IGF2BP2: variants seen among roughly 807,000 people sequenced by gnomAD.
IGF2BP2 encodes the protein insulin-like growth factor 2 mRNA-binding protein 2.
In IGF2BP2, 17 loss-of-function variants were observed where a neutral mutation model predicts 75.8. The observed-to-expected ratio is 0.22, with a 90% confidence interval of 0.15 to 0.34. The LOEUF is 0.34. Among genes scored for constraint, IGF2BP2 ranks in the 10% least tolerant of loss-of-function variants. The pLI, the probability that IGF2BP2 is intolerant of heterozygous loss-of-function variation, is 1.00. For missense variants in IGF2BP2, 516 were observed against 772.4 expected, an observed-to-expected ratio of 0.67 and a Z score of 3.93; for synonymous variants, 288 against 295.6, an observed-to-expected ratio of 0.97 and a Z score of 0.26.
At chr3:185,660,077 G>A (rs773772431) in intron 10 of IGF2BP2, among the ~76,000 whole-genome samples, 7 of 152,314 alleles carry the variant, frequency 4.6e-5, no homozygotes, top group Admixed American at 6.5e-5. Flanking sequence ...GGTTACAGGC[G>A]TGAACCACCG....
Position 185,660,644 on chromosome 3 carries a change from CA to C in IGF2BP2, c.1201-2236del, listed in dbSNP as rs1480578084. 3.9e-5 allele frequency among the ~76,000 whole-genome samples: 6 copies of C among 152,172 alleles called. No individual in the cohort carries two copies. In the East Asian group the frequency reaches 1.2e-3, roughly 29 times the overall value. On this transcript the variant is annotated intron_variant, in intron 10 of 15. Coordinates refer to ENST00000382199, the MANE Select transcript of IGF2BP2 (RefSeq NM_006548.6). ...CGCTATGAGATCAGCAGTCTCTTGG[CA>C]AGCTCAAGTTTTGCAGGAAGGTGGG...
intron 10 of IGF2BP2, among the ~76,000 whole-genome samples, chr3:185,659,796 T>C (rs1427765433): frequency 6.6e-6 from 1 of 151,994 alleles, no homozygotes; most frequent in Non-Finnish European, 1.5e-5. Flanking sequence ...ATGTCTGATT[T>C]GATACTTTTT....
chr3:185,802,833 G>T (rs548400882), intron 2 of IGF2BP2, among the ~76,000 whole-genome samples: 1 of 152,308 alleles, frequency 6.6e-6, no homozygotes, highest in Admixed American at 6.5e-5. Context: ...ACACTTTCCT[G>T]TTGTTAGAAA....
At chr3:185,747,867 T>C (rs959865722) in intron 2 of IGF2BP2, among the ~76,000 whole-genome samples, 1 of 124,360 alleles carries the variant, frequency 8.0e-6, no homozygotes, top group African/African-American at 3.3e-5. Context: ...TTATTTTATT[T>C]TATTTTGAGA....
intron 2 of IGF2BP2, among the ~76,000 whole-genome samples, chr3:185,757,730 G>A (rs1219048134): frequency 6.6e-6 from 1 of 152,104 alleles, no homozygotes; most frequent in Admixed American, 6.5e-5. Context: ...TCGAAGTGCC[G>A]AGATTACAGA....
rs1201144415 is a variant in IGF2BP2 at position 185,726,965 on chromosome 3, T to C, written c.240-28618A>G. Among the ~76,000 whole-genome samples the C allele has an allele frequency of 3.3e-5, 5 of 152,212 alleles. No individual in the cohort carries two copies. The East Asian group carries it at 9.7e-4, about 29-fold the overall frequency. On this transcript the variant is annotated intron_variant, in intron 2 of 15. Coordinates refer to ENST00000382199, the MANE Select transcript of IGF2BP2 (RefSeq NM_006548.6). ...CGAGCACGGTGGCTCACGCCTGTAA[T>C]CCCAGCACTTTGGGAGGCCAAGGCG...
At chr3:185,710,863 A>G (rs768555509) in intron 2 of IGF2BP2, among the ~76,000 whole-genome samples, 8 of 152,164 alleles carry the variant, frequency 5.3e-5, no homozygotes, top group Non-Finnish European at 1.2e-4. Context: ...GGTAGCCAGA[A>G]AAATAGCTTC....
intron 2 of IGF2BP2, among the ~76,000 whole-genome samples, chr3:185,810,181 A>T (rs1739609348): frequency 6.6e-6 from 1 of 152,162 alleles, no homozygotes; most frequent in Non-Finnish European, 1.5e-5. Context: ...ACATTTTTTT[A>T]AATGCTAATG....
At chr3:185,787,079 A>T (rs1035435951) in intron 2 of IGF2BP2, among the ~76,000 whole-genome samples, 5 of 152,172 alleles carry the variant, frequency 3.3e-5, no homozygotes, top group African/African-American at 1.2e-4. Context: ...TTGAAATCTT[A>T]ACATTTATAA....
chr3:185,698,284 T>C lies in IGF2BP2; in HGVS notation c.288+15A>G, dbSNP rs1261740946. 3 of 1,611,292 alleles carry C rather than the reference T, an allele frequency of 1.9e-6. No individual in the cohort carries two copies. Among genetic ancestry groups the C allele is most frequent in the Non-Finnish European group, 2.5e-6 (3 of 1,177,552 alleles). On this transcript the variant is annotated intron_variant, in intron 3 of 15. Coordinates refer to ENST00000382199, the MANE Select transcript of IGF2BP2 (RefSeq NM_006548.6). ...AAATGTCTCATCAACCCATTAAAAA[T>C]TGACACTGGCTTACCTCCCACTGCA...
chr3:185,652,220 C>T lies in IGF2BP2; in HGVS notation c.1387-52G>A. 2.0e-6 allele frequency: 3 copies of T among 1,488,374 alleles called. No individual in the cohort carries two copies. The South Asian group carries it at 3.6e-5, about 18-fold the overall frequency. The allele number at this position is 1,488,374 out of a possible 1,614,324, so 92.2% of individuals were successfully genotyped here. The stretch of plus-strand genomic sequence containing the variant: ...TGATGCTCGGCTGCATTCCCCAGCC[C>T]CTCTTTCTTGTCTAAGTGGACGGCA... On this transcript the variant is annotated intron_variant, in intron 12 of 15. Transcript: ENST00000382199.
At chr3:185,781,204 A>AT (rs1395841878) in intron 2 of IGF2BP2, among the ~76,000 whole-genome samples, 3 of 151,626 alleles carry the variant, frequency 2.0e-5, no homozygotes, top group South Asian at 4.2e-4. Context: ...GCTATTCTGC[A>AT]TTTTTAAAAA....
intron 12 of IGF2BP2, among the ~76,000 whole-genome samples, chr3:185,655,665 G>A (rs767865812): frequency 4.6e-5 from 7 of 152,172 alleles, no homozygotes; most frequent in Non-Finnish European, 7.4e-5. Context: ...GTCACCATTC[G>A]ACCTTGCTGG....
At chr3:185,693,087 T>C (rs1722163281) in intron 4 of IGF2BP2, 1 of 208,166 alleles carries the variant, frequency 4.8e-6, no homozygotes, top group South Asian at 1.0e-4. Flanking sequence ...GTGAGTCAAA[T>C]GTACCATGAC....
intron 2 of IGF2BP2, among the ~76,000 whole-genome samples, chr3:185,796,840 C>A (rs1000548771): frequency 1.3e-5 from 2 of 152,138 alleles, no homozygotes; most frequent in African/African-American, 4.8e-5. Context: ...GGCATACCTG[C>A]CAAGAAAATT....
chr3:185,785,295 C>T (rs1735729707), intron 2 of IGF2BP2, among the ~76,000 whole-genome samples: 1 of 68,864 alleles, frequency 1.5e-5, no homozygotes, highest in Admixed American at 1.1e-4. Flanking sequence ...AGTGAGACTC[C>T]TTCTCAAAAA....
At chr3:185,815,952 T>C (rs1740543702) in intron 2 of IGF2BP2, among the ~76,000 whole-genome samples, 1 of 152,148 alleles carries the variant, frequency 6.6e-6, no homozygotes. Context: ...ACTCACCCCA[T>C]AGTCAAGACA....
At chr3:185,806,777 C>T (rs1739087139) in intron 2 of IGF2BP2, among the ~76,000 whole-genome samples, 1 of 152,074 alleles carries the variant, frequency 6.6e-6, no homozygotes. Context: ...AAAAGAGTTT[C>T]AAGTACCATT....
At chr3:185,706,563 T>C (rs1461822981) in intron 2 of IGF2BP2, among the ~76,000 whole-genome samples, 1 of 152,240 alleles carries the variant, frequency 6.6e-6, no homozygotes, top group Non-Finnish European at 1.5e-5. Context: ...AGAACTTGCA[T>C]GAAATGACCA....
Sources: gnomAD v4.1 joint callset for allele counts (sites outside exome capture counted in the v4.1 genomes callset) on GRCh38, gnomAD v4.1.1 for gene constraint, MANE v1.5 for transcripts, NCBI Gene and HGNC (gene_info 2026-07-23, HGNC 2026-07-21) for gene names.